Variants in RREB1 observed in about 807,000 individuals in gnomAD.
The protein encoded by RREB1 is ras responsive element binding protein 1.
RREB1 carries 27 observed loss-of-function variants against 117.8 expected under a neutral mutation model. The observed-to-expected ratio is 0.23, with a 90% CI of 0.17 to 0.32. RREB1 has a LOEUF of 0.32. RREB1 is among the 10% of genes least tolerant of loss of function. The pLI is 1.00. For missense variants in RREB1, 2,577 were observed against 2,378.2 expected, an observed-to-expected ratio of 1.08 and a Z score of -1.74; for synonymous variants, 1,298 against 1,026.7, an observed-to-expected ratio of 1.26 and a Z score of -5.05.
rs745869467 is a variant in RREB1 at position 7,246,678 on chromosome 6, G to A, written c.4228G>A (p.Ala1410Thr). The A allele has an allele frequency of 1.3e-6, 2 of 1,582,532 alleles. No individual in the cohort carries two copies. Among genetic ancestry groups the A allele is most frequent in the Non-Finnish European group, 1.7e-6 (2 of 1,164,632 alleles). ...TGDADGAEED[A>T]SSNQSLDLDF... is the part of the protein sequence containing the mutation. Reference sequence around the variant, plus strand: ...GGACGCCGACGGCGCGGAAGAGGACGCGTCGAGCAACCAGAGCCTGGACCT... The same window carrying A: ...GGACGCCGACGGCGCGGAAGAGGACACGTCGAGCAACCAGAGCCTGGACCT... The change falls in exon 12 of 13, where the codon GCG (alanine) becomes ACG (threonine). Residue 1410 changes from alanine (A) to threonine (T), a missense_variant. Physicochemically the swap from Ala to Thr is moderately conservative, Grantham distance 58. Transcript: ENST00000379938.
rs549524378 is a variant in RREB1, at chr6:7,192,481, C to A, written c.425+3159C>A. On this transcript the variant is annotated intron_variant, in intron 6 of 12. Transcript: ENST00000379938. ...GTGCTGGGATTACAGGTGAGAGCCACCGCGCCTCACCCCAGATTTTGTTTC... is the reference window on the plus strand; with the variant it reads ...GTGCTGGGATTACAGGTGAGAGCCAACGCGCCTCACCCCAGATTTTGTTTC... Among the ~76,000 whole-genome samples the A allele has an allele frequency of 9.2e-5, 14 of 152,226 alleles. No individual in the cohort carries two copies. The South Asian group carries it at 2.7e-3, about 29-fold the overall frequency.
At chr6:7,242,702 G>T (rs935951550) in intron 11 of RREB1, among the ~76,000 whole-genome samples, 1 of 145,438 alleles carries the variant, frequency 6.9e-6, no homozygotes, top group Non-Finnish European at 1.5e-5. Context: ...TAAAAAAAAG[G>T]GGGGGGGGGA....
intron 3 of RREB1, 95 bp from the exon 4 acceptor site, chr6:7,181,775 C>A: frequency 1.2e-6 from 1 of 865,248 alleles, no homozygotes; most frequent in African/African-American, 1.7e-5. Context: ...TGTTTTTGAC[C>A]TGAATTACAA....
At chr6:7,176,019 G>A (rs1394884707) in intron 1 of RREB1, among the ~76,000 whole-genome samples, 1 of 152,182 alleles carries the variant, frequency 6.6e-6, no homozygotes, top group Admixed American at 6.5e-5. Flanking sequence ...CTGGGCTTAA[G>A]CCATCCTCCC....
chr6:7,121,590 T>C (rs967449380), intron 1 of RREB1, among the ~76,000 whole-genome samples: 3 of 152,078 alleles, frequency 2.0e-5, no homozygotes, highest in African/African-American at 7.2e-5. Context: ...TGTTGGGCCC[T>C]CCACTAGATC....
chr6:7,109,392 T>C (rs758054184), intron 1 of RREB1, among the ~76,000 whole-genome samples: 1 of 151,400 alleles, frequency 6.6e-6, no homozygotes, highest in African/African-American at 2.4e-5. Flanking sequence ...ACCCCCTCCC[T>C]GGGAAGCGGC....
intron 11 of RREB1, 131 bp from the exon 12 acceptor site, chr6:7,246,293 G>C (rs552925231): frequency 2.7e-6 from 2 of 731,848 alleles, no homozygotes; most frequent in South Asian, 5.0e-5. Context: ...GAGGATTTGG[G>C]CCGAAAGAAG....
At chr6:7,247,253 CAAG>C in intron 12 of RREB1, 32 bp downstream of exon 12, 1 of 1,580,636 alleles carries the variant, frequency 6.3e-7, no homozygotes, top group Non-Finnish European at 8.6e-7. Flanking sequence ...CCCGGCCCAA[CAAG>C]AGGAGGCGAG....
intron 1 of RREB1, among the ~76,000 whole-genome samples, chr6:7,119,357 A>G (rs1229606198): frequency 1.3e-5 from 2 of 152,162 alleles, no homozygotes; most frequent in Non-Finnish European, 2.9e-5. Flanking sequence ...CTCAAAAAAA[A>G]AGAAAAGGAC....
intron 6 of RREB1, among the ~76,000 whole-genome samples, chr6:7,208,360 T>A (rs1182931036): frequency 6.6e-6 from 1 of 152,048 alleles, no homozygotes; most frequent in East Asian, 1.9e-4. Context: ...GTGGGGAGAA[T>A]CTCTCACTAC....
chr6:7,170,305 AAG>A (rs1764149882), intron 1 of RREB1, among the ~76,000 whole-genome samples: 1 of 152,198 alleles, frequency 6.6e-6, no homozygotes, highest in Non-Finnish European at 1.5e-5. Context: ...CCAAGGCTGT[AAG>A]AGGGAACCCC....
intron 4 of RREB1, among the ~76,000 whole-genome samples, chr6:7,187,059 A>T (rs903374734): frequency 1.3e-5 from 2 of 152,202 alleles, no homozygotes; most frequent in African/African-American, 4.8e-5. Flanking sequence ...GGAGAAATGT[A>T]TTCCTTTCTA....
chr6:7,138,135 AAAAG>A (rs1164108650), intron 1 of RREB1, among the ~76,000 whole-genome samples: 2 of 152,182 alleles, frequency 1.3e-5, no homozygotes, highest in Non-Finnish European at 2.9e-5. Flanking sequence ...CTTTCAGAAA[AAAAG>A]AAAAGAAAGA....
At chr6:7,109,126 G>A (rs530051903) in intron 1 of RREB1, among the ~76,000 whole-genome samples, 2 of 151,930 alleles carry the variant, frequency 1.3e-5, no homozygotes, top group South Asian at 4.2e-4. Flanking sequence ...CCCAGCTGTG[G>A]AGCGCGCTCG....
intron 1 of RREB1, among the ~76,000 whole-genome samples, chr6:7,162,917 G>C (rs1430644488): frequency 1.3e-5 from 2 of 151,882 alleles, no homozygotes; most frequent in Non-Finnish European, 2.9e-5. Context: ...GTCACGGTCA[G>C]TGCTCACTGT....
chr6:7,118,941 A>C (rs1761540630), intron 1 of RREB1, among the ~76,000 whole-genome samples: 1 of 149,980 alleles, frequency 6.7e-6, no homozygotes. Flanking sequence ...GAGCCACTGC[A>C]CCTGGCCTCC....
Position 7,246,715 on chromosome 6 carries a change from C to G in RREB1, c.4265C>G (p.Thr1422Ser). Residue 1422 changes from threonine (T) to serine (S), a missense_variant, in exon 12 of 13, where the codon ACC (threonine) becomes AGC (serine). Transcript: ENST00000379938. The stretch of plus-strand genomic sequence containing the variant: ...CAGAGCCTGGACCTGGACTTCGCCA[C>G]CAAGCTCATGGACTTCAAGCTGGCG... Reference protein sequence around the residue: ...SNQSLDLDFATKLMDFKLAEG... With the variant: ...SNQSLDLDFASKLMDFKLAEG... The G allele has an allele frequency of 6.3e-7, 1 of 1,584,430 alleles. No homozygotes were observed. Among genetic ancestry groups the G allele is most frequent in the Non-Finnish European group, 8.6e-7 (1 of 1,165,856 alleles).
At chr6:7,181,695 T>G in intron 3 of RREB1, 175 bp from the exon 4 acceptor site, 1 of 638,516 alleles carries the variant, frequency 1.6e-6, no homozygotes, top group Non-Finnish European at 2.8e-6. Flanking sequence ...TGCCAAGACT[T>G]GGTTTAAATG....
intron 1 of RREB1, among the ~76,000 whole-genome samples, chr6:7,137,951 T>A (rs1370784783): frequency 7.9e-5 from 12 of 152,178 alleles, no homozygotes. Flanking sequence ...TCTAACTGTT[T>A]AGCTCCTTTT....
Sources: gnomAD v4.1 joint callset for allele counts (sites outside exome capture counted in the v4.1 genomes callset) on GRCh38, gnomAD v4.1.1 for gene constraint, MANE v1.5 for transcripts, NCBI Gene and HGNC (gene_info 2026-07-23, HGNC 2026-07-21) for gene names.